The following CHD1 variants were observed in gnomAD, a reference collection of about 807,000 sequenced individuals.
CHD1 encodes the protein ATP-dependent chromatin remodeler CHD1.
Under a neutral mutation model 224.2 loss-of-function variants are expected in CHD1, and 36 were observed. The observed-to-expected ratio is 0.16, with a 90% CI of 0.12 to 0.21. The LOEUF is 0.21. Ranked by LOEUF, CHD1 falls within the 10% of genes least tolerant of loss-of-function variation. The pLI is 1.00. For missense variants in CHD1, 1,378 were observed against 1,994.8 expected (o/e 0.69, Z 5.89); for synonymous variants, 668 against 658.3 (o/e 1.01, Z -0.23).
chr5:98,858,794 A>T (rs1748239071), intron 34 of CHD1, 170 bp downstream of exon 34: 2 of 467,296 alleles, frequency 4.3e-6, no homozygotes, highest in South Asian at 8.9e-5. Flanking sequence ...AAGAGAATAC[A>T]TTTTACATAA....
chr5:98,915,690 CAT>C (rs1752687201), intron 2 of CHD1, among the ~76,000 whole-genome samples: 1 of 151,882 alleles, frequency 6.6e-6, no homozygotes, highest in African/African-American at 2.4e-5. Flanking sequence ...AAGTCTAACA[CAT>C]AGAGAAATTA....
At chr5:98,897,153 T>C (rs764906676) in intron 11 of CHD1, 40 bp downstream of exon 11, 95 of 1,587,040 alleles carry the variant, frequency 6.0e-5, no homozygotes, top group East Asian at 1.8e-4. Context: ...GGTAAATTCT[T>C]ACTCTGTCAA....
At position 98,926,364 on chromosome 5, in the gene CHD1, T is replaced by C; in HGVS notation, c.23A>G (p.Glu8Gly). The change falls in exon 2 of 36, where the codon GAA becomes GGA. Residue 8 changes from glutamate to glycine, a missense_variant. By Grantham distance (98) the Glu-to-Gly change is moderately conservative. Coordinates refer to ENST00000614616, the MANE Select transcript of CHD1 (RefSeq NM_001270.4). ...TTCTCCACTACTGTTTCTAACACTT[T>C]CTTCATCACTGTGTCCATTCATTGT... is the stretch of plus-strand genomic sequence containing the variant. MNGHSDE[E>G]SVRNSSGESS... 1.3e-6 allele frequency: 2 copies of C among 1,524,370 alleles called. No homozygotes were observed. The highest frequency in any genetic ancestry group is 1.8e-6 in the Non-Finnish European group (2 of 1,134,524). 94.4% of individuals were successfully genotyped at this position (1,524,370 alleles called of 1,614,324 possible). A position where few individuals can be genotyped will look rare whatever the true frequency, so the allele number is the denominator to read the frequency against.
At chr5:98,909,607 T>C (rs1193994850) in intron 2 of CHD1, among the ~76,000 whole-genome samples, 3 of 152,184 alleles carry the variant, frequency 2.0e-5, no homozygotes, top group Non-Finnish European at 4.4e-5. Flanking sequence ...AAACATCTTT[T>C]CTTCATTACA....
chr5:98,856,584 G>C lies in CHD1; in HGVS notation c.4929C>G (p.His1643Gln). 6.2e-7 allele frequency: 1 copy of C among 1,613,704 alleles called. No individual in the cohort carries two copies. The highest frequency in any genetic ancestry group is 1.1e-5 in the South Asian group (1 of 91,080). Residue 1643 changes from histidine to glutamine, a missense_variant, in exon 36 of 36, where the codon CAC becomes CAG. Coordinates refer to ENST00000614616, the MANE Select transcript of CHD1 (RefSeq NM_001270.4). ...SHSDHRLHSD[H>Q]RSSSEYTHHK... ...GGTGCGTATATTCAGAACTTGACCGGTGGTCTGAATGTAACCGATGATCTG... is the reference window on the plus strand; with the variant it reads ...GGTGCGTATATTCAGAACTTGACCGCTGGTCTGAATGTAACCGATGATCTG...
intron 2 of CHD1, among the ~76,000 whole-genome samples, chr5:98,924,633 G>A (rs115734088): frequency 3.1e-4 from 47 of 152,264 alleles, no homozygotes; most frequent in Admixed American, 1.2e-3. Context: ...TATCCAAACA[G>A]TATGTATGAA....
chr5:98,881,984 G>T lies in CHD1; in HGVS notation c.2858C>A (p.Ala953Asp). 6.2e-7 allele frequency: 1 copy of T among 1,612,628 alleles called. No homozygotes were observed. The highest frequency in any genetic ancestry group is 8.5e-7 in the Non-Finnish European group (1 of 1,179,364). Residue 953 changes from alanine to aspartate, a missense_variant, in exon 20 of 36, where the codon GCC becomes GAC. Ala to Asp is a moderately radical substitution (Grantham distance 126). Transcript: ENST00000614616. ...ATAATCAAGTAACCACCTTGATGGGGCAGAACCTGTATGTAGTACTGTCTT... is the reference window on the plus strand; with the variant it reads ...ATAATCAAGTAACCACCTTGATGGGTCAGAACCTGTATGTAGTACTGTCTT... ...TGKTVLHTGS[A>D]PSSSTPFNKE...
At chr5:98,871,921 A>T in intron 28 of CHD1, 130 bp downstream of exon 28, 1 of 721,942 alleles carries the variant, frequency 1.4e-6, no homozygotes, top group Non-Finnish European at 2.2e-6. Context: ...TTCTAAACGC[A>T]CCAAGGTCAC....
chr5:98,870,753 G>T lies in CHD1; in HGVS notation c.3912C>A (p.Thr1304=). 1 of 1,612,158 alleles carries T rather than the reference G, an allele frequency of 6.2e-7. No individual in the cohort carries two copies. Among genetic ancestry groups the T allele is most frequent in the Non-Finnish European group, 8.5e-7 (1 of 1,179,028 alleles). The stretch of plus-strand genomic sequence containing the variant: ...GTAATTTGATGAGGTAGTCTGCACG[G>T]GTCTGCAACTGTTTTGCTTGTGGTT... ...DKKPQAKQLQ[T]RADYLIKLLS... Residue 1304 remains threonine (T), a synonymous_variant, in exon 29 of 36, where the codon ACC becomes ACA. Transcript: ENST00000614616.
intron 2 of CHD1, among the ~76,000 whole-genome samples, chr5:98,914,630 T>G (rs1178837315): frequency 6.6e-6 from 1 of 152,046 alleles, no homozygotes; most frequent in Non-Finnish European, 1.5e-5. Context: ...TTATAGGGAG[T>G]GATTTCAGAA....
chr5:98,881,408 AAC>A lies in CHD1; in HGVS notation c.2868-35_2868-34del, dbSNP rs536640124. Reference sequence around the variant, plus strand: ...AGGAAAAACAAAAATGCTTAACATTAACAGTTAAAAATATAACAGTTACACAG... The same window carrying A: ...AGGAAAAACAAAAATGCTTAACATTAAGTTAAAAATATAACAGTTACACAG... On this transcript the variant is annotated intron_variant, in intron 20 of 35. Transcript: ENST00000614616. 26 of 1,053,504 alleles carry A rather than the reference AAC, an allele frequency of 2.5e-5. No individual in the cohort carries two copies. The African/African-American group carries it at 3.3e-4, about 13-fold the overall frequency. The allele number at this position is 1,053,504 out of a possible 1,614,324, so 65.3% of individuals were successfully genotyped here.
At chr5:98,907,563 G>C (rs1752123111) in intron 2 of CHD1, among the ~76,000 whole-genome samples, 1 of 145,316 alleles carries the variant, frequency 6.9e-6, no homozygotes, top group Non-Finnish European at 1.5e-5. Flanking sequence ...ACTCCAGCCT[G>C]GGCAACAAGA....
At chr5:98,904,532 T>G (rs759497788) in intron 3 of CHD1, among the ~76,000 whole-genome samples, 2 of 152,224 alleles carry the variant, frequency 1.3e-5, no homozygotes, top group Non-Finnish European at 2.9e-5. Context: ...AAGTATCTCC[T>G]TTGAAGCTCT....
chr5:98,866,061 G>A (rs1473109729), intron 31 of CHD1, among the ~76,000 whole-genome samples: 2 of 151,946 alleles, frequency 1.3e-5, no homozygotes, highest in African/African-American at 4.8e-5. Context: ...CTTCAAAAAA[G>A]CTAAAGAATA....
At position 98,926,365 on chromosome 5, in the gene CHD1, C is replaced by T; in HGVS notation, c.22G>A (p.Glu8Lys). 1 of 1,523,992 alleles carries T rather than the reference C, an allele frequency of 6.6e-7. No homozygotes were observed. Among genetic ancestry groups the T allele is most frequent in the Non-Finnish European group, 8.8e-7 (1 of 1,134,374 alleles). 94.4% of individuals were successfully genotyped at this position (1,523,992 alleles called of 1,614,324 possible). Residue 8 changes from glutamate to lysine, a missense_variant, in exon 2 of 36, where the codon GAA becomes AAA. Transcript: ENST00000614616. ...TCTCCACTACTGTTTCTAACACTTT[C>T]TTCATCACTGTGTCCATTCATTGTA... MNGHSDE[E>K]SVRNSSGESS...
At position 98,900,007 on chromosome 5, in the gene CHD1, G is replaced by A. The variant is rs137904144; in HGVS notation, c.860-302C>T. Among the ~76,000 whole-genome samples the A allele has an allele frequency of 2.2e-3, 338 of 152,272 alleles. 1 individual carries two copies. Among genetic ancestry groups the A allele is most frequent in the African/African-American group, 7.5e-3 (312 of 41,560 alleles). On this transcript the variant is annotated intron_variant, in intron 7 of 35. Coordinates refer to ENST00000614616, the MANE Select transcript of CHD1 (RefSeq NM_001270.4). ...TGAAACGTGGTCAGCTGGAGGCCCA[G>A]CACGGTGGCTCACGCCTGTAATCCC...
intron 2 of CHD1, among the ~76,000 whole-genome samples, chr5:98,908,583 A>T (rs997099975): frequency 1.1e-4 from 17 of 152,160 alleles, no homozygotes; most frequent in African/African-American, 3.6e-4. Context: ...TACATATTTT[A>T]TGTAAAACTC....
chr5:98,911,146 A>AAAAAAAAAAAATATATATATATATAT (rs1491111295), intron 2 of CHD1, among the ~76,000 whole-genome samples: 1 of 39,144 alleles, frequency 2.6e-5, no homozygotes, highest in Non-Finnish European at 4.5e-5. Context: ...AAAAAAAAAA[A>AAAAAAAAAAAATATATATATATATAT]ATATATATAT....
chr5:98,863,650 C>T (rs1748641044), intron 31 of CHD1, 64 bp from the exon 32 acceptor site: 1 of 1,086,420 alleles, frequency 9.2e-7, no homozygotes, highest in Non-Finnish European at 1.3e-6. Context: ...ACAAGGTCTA[C>T]CTCCTTCAAT....
Sources: gnomAD v4.1 joint callset for allele counts (sites outside exome capture counted in the v4.1 genomes callset) on GRCh38, gnomAD v4.1.1 for gene constraint, MANE v1.5 for transcripts, NCBI Gene and HGNC (gene_info 2026-07-23, HGNC 2026-07-21) for gene names.